Variants in CALM2 observed in about 807,000 individuals in gnomAD.
CALM2 encodes the protein calmodulin-2.
Under a neutral mutation model 19.8 loss-of-function variants are expected in CALM2, and 2 were observed. The ratio of observed to expected loss-of-function variants is 0.10; its 90% CI spans 0.04 to 0.32. CALM2 has a LOEUF of 0.32. Among genes scored for constraint, CALM2 ranks in the 10% least tolerant of loss-of-function variants. The pLI, the probability that CALM2 is intolerant of heterozygous loss-of-function variation, is 1.00. For missense variants in CALM2, 38 were observed against 178.7 expected, an observed-to-expected ratio of 0.21 and a Z score of 4.49; for synonymous variants, 51 against 52.1, an observed-to-expected ratio of 0.98 and a Z score of 0.09.
intron 2 of CALM2, among the ~76,000 whole-genome samples, chr2:47,165,746 AC>A (rs1271955809): frequency 6.6e-6 from 1 of 152,160 alleles, no homozygotes; most frequent in Non-Finnish European, 1.5e-5. Context: ...CTGGCTGTCT[AC>A]AGGATATAGC....
At chr2:47,162,416 C>T (rs1455809016) in intron 3 of CALM2, 24 bp from the exon 4 acceptor site, 1 of 1,605,684 alleles carries the variant, frequency 6.2e-7, no homozygotes, top group Admixed American at 1.7e-5. Context: ...GTGGAAACAT[C>T]AAAGCTTTAG....
At chr2:47,166,627 G>C (rs1327285918) in intron 2 of CALM2, among the ~76,000 whole-genome samples, 1 of 151,984 alleles carries the variant, frequency 6.6e-6, no homozygotes, top group Non-Finnish European at 1.5e-5. Flanking sequence ...TTATACTAAA[G>C]AGTAAAAAAT....
chr2:47,175,080 T>TG (rs1343836258), intron 1 of CALM2, among the ~76,000 whole-genome samples: 2 of 95,332 alleles, frequency 2.1e-5, no homozygotes, highest in African/African-American at 1.0e-4. Context: ...CCTCATTAGG[T>TG]GTTTTTTTTT....
At chr2:47,170,019 A>G (rs1471261909) in intron 2 of CALM2, among the ~76,000 whole-genome samples, 3 of 152,048 alleles carry the variant, frequency 2.0e-5, no homozygotes, top group Admixed American at 1.3e-4. Context: ...CAACATTGAC[A>G]TTAACCAGCC....
intron 1 of CALM2, chr2:47,174,235 T>C (rs1298455823): frequency 6.6e-6 from 1 of 152,240 alleles, no homozygotes; most frequent in Non-Finnish European, 1.5e-5. Context: ...AAATTTTTTA[T>C]ACTTTAACTT....
Position 47,176,494 on chromosome 2 carries a change from G to C in CALM2, c.-51C>G, listed in dbSNP as rs771746844. 2.2e-5 allele frequency: 35 copies of C among 1,611,248 alleles called. No homozygotes were observed. The East Asian group carries it at 3.6e-4, about 16-fold the overall frequency. Reference sequence around the variant, plus strand: ...ACGCGACCACACAACCACTCAGCTCGCTCTCTCCACTCGGACTAATTCGCC... The same window carrying C: ...ACGCGACCACACAACCACTCAGCTCCCTCTCTCCACTCGGACTAATTCGCC... On this transcript the variant is annotated 5_prime_UTR_variant, in exon 1 of 6. Transcript: ENST00000272298.
At position 47,176,494 on chromosome 2, in the gene CALM2, GCT is replaced by G. The variant is rs1558703765; in HGVS notation, c.-53_-52del. On this transcript the variant is annotated 5_prime_UTR_variant, in exon 1 of 6. Coordinates refer to ENST00000272298, the MANE Select transcript of CALM2 (RefSeq NM_001743.6). ...ACGCGACCACACAACCACTCAGCTC[GCT>G]CTCTCCACTCGGACTAATTCGCCTC... 6.2e-7 allele frequency: 1 copy of G among 1,611,366 alleles called. No homozygotes were observed. The highest frequency in any genetic ancestry group is 1.7e-5 in the Admixed American group (1 of 59,820).
Position 47,162,315 on chromosome 2 carries a change from TTTC to T in CALM2, c.253_255del (p.Glu85del). 1 of 1,610,200 alleles carries T rather than the reference TTTC, an allele frequency of 6.2e-7. No homozygotes were observed. Among genetic ancestry groups the T allele is most frequent in the Non-Finnish European group, 8.5e-7 (1 of 1,178,216 alleles). On this transcript the variant is annotated inframe_deletion, in exon 4 of 6. Coordinates refer to ENST00000272298, the MANE Select transcript of CALM2 (RefSeq NM_001743.6). The stretch of plus-strand genomic sequence containing the variant: ...TCAAACACACGGAATGCTTCTCTAA[TTTC>T]TTCTTCACTGTCTGTGTCTTTCATT...
intron 1 of CALM2, chr2:47,172,428 G>C (rs144055598): frequency 1.2e-6 from 1 of 823,602 alleles, no homozygotes; most frequent in African/African-American, 1.8e-5. Flanking sequence ...CAGGGTTGTT[G>C]TGCAAAGTGA....
intron 5 of CALM2, 123 bp downstream of exon 5, chr2:47,161,600 A>C: frequency 2.5e-6 from 2 of 795,666 alleles, no homozygotes; most frequent in South Asian, 3.8e-5. Context: ...GGTTAAATGT[A>C]AGTAACTGTT....
At chr2:47,161,171 G>T (rs73926759) in intron 5 of CALM2, among the ~76,000 whole-genome samples, 3,032 of 152,158 alleles carry the variant, frequency 0.02, 105 homozygotes, top group African/African-American at 0.068. Context: ...TCTTTTCTAA[G>T]TTAAGTAGTT....
Position 47,162,672 on chromosome 2 carries a change from AG to A in CALM2, c.35-11del. 1.3e-6 allele frequency: 2 copies of A among 1,583,920 alleles called. No homozygotes were observed. The highest frequency in any genetic ancestry group is 8.6e-7 in the Non-Finnish European group (1 of 1,163,250). ...AAAGCTTCTTTGAATTCTGTTTGAA[AG>A]AAAGACCACAATCCAAATACACAGA... On this transcript the variant is annotated splice_polypyrimidine_tract_variant and intron_variant, in intron 2 of 5. Transcript: ENST00000272298.
intron 2 of CALM2, among the ~76,000 whole-genome samples, chr2:47,165,083 C>G (rs890412342): frequency 3.3e-5 from 5 of 152,212 alleles, no homozygotes; most frequent in Admixed American, 3.3e-4. Flanking sequence ...AATTTCCTCT[C>G]TCCAAACAAT....
At chr2:47,176,623 C>G (rs1429395396), upstream of CALM2, 1 of 1,515,658 alleles carries the variant, frequency 6.6e-7, no homozygotes, top group Non-Finnish European at 8.8e-7. Context: ...CCCCTCCCCT[C>G]AAACTCTTCT....
chr2:47,175,483 G>A (rs867208801), intron 1 of CALM2, among the ~76,000 whole-genome samples: 1 of 152,172 alleles, frequency 6.6e-6, no homozygotes, highest in Non-Finnish European at 1.5e-5. Context: ...AGCTGGAGCC[G>A]AACACTTTCC....
chr2:47,165,516 C>G (rs1666436598), intron 2 of CALM2, among the ~76,000 whole-genome samples: 1 of 152,064 alleles, frequency 6.6e-6, no homozygotes, highest in African/African-American at 2.4e-5. Context: ...TTGCAGCATC[C>G]AAAACTGCAT....
At chr2:47,160,850 C>CAAAAAAAAAAAAA in intron 5 of CALM2, 46 bp from the exon 6 acceptor site, 3 of 370,250 alleles carry the variant, frequency 8.1e-6, no homozygotes, top group South Asian at 1.5e-4. Context: ...AGCAAAAGAC[C>CAAAAAAAAAAAAA]AAAAAAAAAA....
intron 2 of CALM2, 61 bp from the exon 3 acceptor site, chr2:47,162,723 G>GA: frequency 7.3e-7 from 1 of 1,366,850 alleles, no homozygotes; most frequent in African/African-American, 1.5e-5. Flanking sequence ...TAACCTAAAT[G>GA]AAACGTATTA....
chr2:47,171,107 C>T (rs1666651489), intron 1 of CALM2: 1 of 201,110 alleles, frequency 5.0e-6, no homozygotes, highest in South Asian at 1.3e-4. Flanking sequence ...AATCAAAATG[C>T]TTCAGGCTCA....
Sources: gnomAD v4.1 joint callset for allele counts (sites outside exome capture counted in the v4.1 genomes callset) on GRCh38, gnomAD v4.1.1 for gene constraint, MANE v1.5 for transcripts, NCBI Gene and HGNC (gene_info 2026-07-23, HGNC 2026-07-21) for gene names.